Variants in JAKMIP3 observed in about 807,000 individuals in gnomAD.
The protein encoded by JAKMIP3 is janus kinase and microtubule-interacting protein 3.
In JAKMIP3, 58 loss-of-function variants were observed where a neutral mutation model predicts 118.5. The observed-to-expected ratio is 0.49, with a 90% CI of 0.40 to 0.61. JAKMIP3 has a LOEUF of 0.61. Ranked by LOEUF, JAKMIP3 falls within the 20% of genes least tolerant of loss-of-function variation. JAKMIP3 has a pLI of 0.00. For missense variants in JAKMIP3, 950 were observed against 1,109.0 expected (o/e 0.86, Z 2.04); for synonymous variants, 486 against 451.2 (o/e 1.08, Z -0.98).
At chr10:132,095,680 C>T (rs2043758349) in intron 1 of JAKMIP3, among the ~76,000 whole-genome samples, 1 of 152,192 alleles carries the variant, frequency 6.6e-6, no homozygotes, top group South Asian at 2.1e-4. Flanking sequence ...CACGAGACTC[C>T]ACACACTTTT....
rs1202830086 is a variant in JAKMIP3, at chr10:132,104,745, CCCCCA to C, written c.-63_-59del. On this transcript the variant is annotated 5_prime_UTR_variant, in exon 2 of 24. Coordinates refer to ENST00000684848, the MANE Select transcript of JAKMIP3 (RefSeq NM_001323087.2). The stretch of plus-strand genomic sequence containing the variant: ...GAGCTTGGCGTGGACACCCCAGCCA[CCCCCA>C]GCCCAGCCCAGCCGGAGCACCCTAC... 2 of 1,520,184 alleles carry C rather than the reference CCCCCA, an allele frequency of 1.3e-6. No homozygotes were observed. Among genetic ancestry groups the C allele is most frequent in the Non-Finnish European group, 1.8e-6 (2 of 1,124,708 alleles). The allele number at this position is 1,520,184 out of a possible 1,614,324, so 94.2% of individuals were successfully genotyped here. A position where few individuals can be genotyped will look rare whatever the true frequency, so the allele number is the denominator to read the frequency against.
intron 3 of JAKMIP3, among the ~76,000 whole-genome samples, chr10:132,132,334 C>T (rs1336031912): frequency 1.3e-5 from 2 of 152,144 alleles, no homozygotes; most frequent in East Asian, 1.9e-4. Flanking sequence ...TCCCCAAAGA[C>T]CTTGTCTTTT....
chr10:132,183,301 G>C lies in JAKMIP3; in HGVS notation c.*2048G>C, dbSNP rs1296555421. 1 of 152,204 alleles carries C rather than the reference G, an allele frequency of 6.6e-6. No homozygotes were observed. Among genetic ancestry groups the C allele is most frequent in the Non-Finnish European group, 1.5e-5 (1 of 68,048 alleles). 9.4% of individuals were successfully genotyped at this position (152,204 alleles called of 1,614,324 possible). Reference sequence around the variant, plus strand: ...GGCCTCCTCCTCTGGGAGAGCTCCTGGCATGGTCCCAATGTGTACCTGCAT... The same window carrying C: ...GGCCTCCTCCTCTGGGAGAGCTCCTCGCATGGTCCCAATGTGTACCTGCAT... On this transcript the variant is annotated 3_prime_UTR_variant, in exon 24 of 24. Transcript: ENST00000684848.
chr10:132,100,616 C>CG (rs2134731103), intron 1 of JAKMIP3, among the ~76,000 whole-genome samples: 1 of 152,292 alleles, frequency 6.6e-6, no homozygotes, highest in East Asian at 1.9e-4. Context: ...CCACGCCCCC[C>CG]CAGCAGCTAT....
intron 1 of JAKMIP3, among the ~76,000 whole-genome samples, chr10:132,075,535 G>A (rs749660715): frequency 2.0e-4 from 30 of 150,706 alleles, no homozygotes; most frequent in Non-Finnish European, 3.5e-4. Flanking sequence ...TCAGCCTCCC[G>A]AGTAGCTGGG....
At chr10:132,150,157 C>T in intron 16 of JAKMIP3, 116 bp downstream of exon 16, 1 of 745,390 alleles carries the variant, frequency 1.3e-6, no homozygotes, top group Non-Finnish European at 2.2e-6. Context: ...GCCACCCTGC[C>T]TGAGACCCTC....
chr10:132,104,706 G>C lies in JAKMIP3; in HGVS notation c.-103G>C. ...AAGATGTAGTGTGACAGCAGCCCGG[G>C]TGACACCTGCTGGGAGCTTGGCGTG... On this transcript the variant is annotated 5_prime_UTR_variant, in exon 2 of 24. Coordinates refer to ENST00000684848, the MANE Select transcript of JAKMIP3 (RefSeq NM_001323087.2). The C allele has an allele frequency of 8.3e-7, 1 of 1,208,864 alleles. No individual in the cohort carries two copies. The highest frequency in any genetic ancestry group is 2.6e-5 in the East Asian group (1 of 38,930). The allele number at this position is 1,208,864 out of a possible 1,614,324, so 74.9% of individuals were successfully genotyped here. A position where few individuals can be genotyped will look rare whatever the true frequency, so the allele number is the denominator to read the frequency against.
chr10:132,036,549 G>C (rs1173315418), upstream of JAKMIP3, among the ~76,000 whole-genome samples: 1 of 152,010 alleles, frequency 6.6e-6, no homozygotes, highest in Non-Finnish European at 1.5e-5. Flanking sequence ...GCGTGGGGGA[G>C]GATCGCGGCG....
At chr10:132,123,517 T>A (rs560572752) in intron 3 of JAKMIP3, among the ~76,000 whole-genome samples, 1 of 152,222 alleles carries the variant, frequency 6.6e-6, no homozygotes, top group African/African-American at 2.4e-5. Flanking sequence ...AATATGGCTA[T>A]AAAAATGAGG....
At chr10:132,114,483 G>T (rs2047335123) in intron 2 of JAKMIP3, among the ~76,000 whole-genome samples, 1 of 152,212 alleles carries the variant, frequency 6.6e-6, no homozygotes, top group Non-Finnish European at 1.5e-5. Flanking sequence ...GCCTCCCACA[G>T]TGCTGGGATT....
chr10:132,146,152 C>A (rs1172130693), intron 13 of JAKMIP3, among the ~76,000 whole-genome samples: 1 of 146,086 alleles, frequency 6.8e-6, no homozygotes, highest in African/African-American at 2.5e-5. Flanking sequence ...CCCCCACCCC[C>A]ACCCTGGCCC....
chr10:132,098,488 T>C (rs2134658472), intron 1 of JAKMIP3, among the ~76,000 whole-genome samples: 1 of 152,332 alleles, frequency 6.6e-6, no homozygotes, highest in South Asian at 2.1e-4. Flanking sequence ...AGAAAGTCAC[T>C]CATGGCACTT....
chr10:132,102,377 C>A (rs58494553), intron 1 of JAKMIP3, among the ~76,000 whole-genome samples: 3 of 151,994 alleles, frequency 2.0e-5, no homozygotes, highest in Non-Finnish European at 4.4e-5. Context: ...CCAGCCCCTC[C>A]GTCTGCAGTG....
Position 132,156,267 on chromosome 10 carries a change from G to A in JAKMIP3, c.2220+2277G>A, listed in dbSNP as rs869250. Among the ~76,000 whole-genome samples the A allele has an allele frequency of 4.2e-3, 632 of 152,148 alleles. 5 individuals carry two copies. Among genetic ancestry groups the A allele is most frequent in the African/African-American group, 0.014 (587 of 41,506 alleles). On this transcript the variant is annotated intron_variant, in intron 19 of 23. Transcript: ENST00000684848. The stretch of plus-strand genomic sequence containing the variant: ...TTGGCCTCTGCTCTCCAGCCTCCTC[G>A]TACCCCCTTATCCTCCTCCATCCTG...
rs754442102 is a variant in JAKMIP3, at chr10:132,117,491, G to A, written c.550G>A (p.Ala184Thr). ...GATCCAAGCGGACAAGATCAAGGCC[G>A]CAGAGATCCGCAGCGTGTACCACCT... ...LVIQADKIKA[A>T]EIRSVYHLHQ... Residue 184 changes from alanine to threonine, a missense_variant, in exon 3 of 24, where the codon GCA (alanine) becomes ACA (threonine). Physicochemically the swap from Ala to Thr is moderately conservative, Grantham distance 58. Coordinates refer to ENST00000684848, the MANE Select transcript of JAKMIP3 (RefSeq NM_001323087.2). The surrounding 1 kb of genome is among the most constrained non-coding windows in gnomAD (Gnocchi z 8.6). 10 of 1,612,122 alleles carry A rather than the reference G, an allele frequency of 6.2e-6. No homozygotes were observed. Among genetic ancestry groups the A allele is most frequent in the Admixed American group, 1.7e-5 (1 of 59,610 alleles).
At chr10:132,081,834 C>T (rs899290864) in intron 1 of JAKMIP3, among the ~76,000 whole-genome samples, 1 of 152,022 alleles carries the variant, frequency 6.6e-6, no homozygotes, top group African/African-American at 2.4e-5. Context: ...CACGTCGCTT[C>T]CCTACAGAGC....
chr10:132,125,605 A>G (rs141017856), intron 3 of JAKMIP3, among the ~76,000 whole-genome samples: 87 of 152,284 alleles, frequency 5.7e-4, no homozygotes, highest in Admixed American at 1.9e-3. Flanking sequence ...GGCACCTTGA[A>G]CCTTAATGAA....
intron 2 of JAKMIP3, among the ~76,000 whole-genome samples, chr10:132,111,196 C>G (rs955794794): frequency 1.3e-5 from 2 of 152,372 alleles, no homozygotes; most frequent in East Asian, 1.9e-4. Flanking sequence ...CTCCTGCCCC[C>G]ACAGGAAACA....
rs2047910870 is a variant in JAKMIP3 at position 132,117,637 on chromosome 10, AGGG to A, written c.633+65_633+67del. The A allele has an allele frequency of 8.9e-7, 1 of 1,120,402 alleles. No homozygotes were observed. The highest frequency in any genetic ancestry group is 1.2e-6 in the Non-Finnish European group (1 of 842,172). The allele number at this position is 1,120,402 out of a possible 1,614,324, so 69.4% of individuals were successfully genotyped here. On this transcript the variant is annotated intron_variant, in intron 3 of 23. Transcript: ENST00000684848. The surrounding 1 kb of genome is among the most constrained non-coding windows in gnomAD (Gnocchi z 8.6). The stretch of plus-strand genomic sequence containing the variant: ...CAGGGGCGGGCGTGGGCGAGGGTGC[AGGG>A]GCGGGCGTGGGCGAGGGTGCAGGCG...
Sources: allele counts gnomAD v4.1 joint callset (sites outside exome capture counted in the v4.1 genomes callset), GRCh38; gene constraint gnomAD v4.1.1; non-coding constraint Gnocchi (gnomAD v3.1); transcripts MANE v1.5; gene names NCBI Gene and HGNC (gene_info 2026-07-23, HGNC 2026-07-21).